KCNH5: variants seen among roughly 807,000 people sequenced by gnomAD.
KCNH5 encodes the protein potassium voltage-gated channel subfamily H member 5.
Under a neutral mutation model 96.1 loss-of-function variants are expected in KCNH5, and 46 were observed. The observed-to-expected ratio is 0.48, with a 90% CI of 0.38 to 0.61. The LOEUF (loss-of-function observed/expected upper bound fraction) is 0.61. Among genes scored for constraint, KCNH5 ranks in the 20% least tolerant of loss-of-function variants. KCNH5 has a pLI of 0.00. For missense variants in KCNH5, 907 were observed against 1,225.8 expected, an observed-to-expected ratio of 0.74 and a Z score of 3.88; for synonymous variants, 439 against 449.8, an observed-to-expected ratio of 0.98 and a Z score of 0.30.
chr14:63,034,735 T>C (rs1050277362), intron 1 of KCNH5, among the ~76,000 whole-genome samples: 13 of 152,248 alleles, frequency 8.5e-5, no homozygotes, highest in Non-Finnish European at 1.9e-4. Flanking sequence ...TTTGATGGCA[T>C]TAACTTCATT....
At chr14:62,862,802 T>G (rs1321317474) in intron 7 of KCNH5, among the ~76,000 whole-genome samples, 2 of 152,156 alleles carry the variant, frequency 1.3e-5, no homozygotes, top group Non-Finnish European at 1.5e-5. Context: ...ATCAGCTAAA[T>G]GTAGCTGCCT....
intron 10 of KCNH5, among the ~76,000 whole-genome samples, chr14:62,718,340 T>C (rs898455259): frequency 1.3e-4 from 19 of 151,902 alleles, no homozygotes; most frequent in African/African-American, 4.4e-4. Context: ...CCAGAATATA[T>C]AAAGAGCTAT....
intron 2 of KCNH5, among the ~76,000 whole-genome samples, chr14:63,015,747 T>C (rs1891315779): frequency 2.0e-5 from 3 of 151,882 alleles, no homozygotes; most frequent in African/African-American, 7.3e-5. Flanking sequence ...ATATAAAAAG[T>C]CAGCCCTCTG....
rs1884399120 is a variant in KCNH5 at position 62,704,745 on chromosome 14, TAG to T, written c.*2761_*2762del. ...ATGCACCAAGAGCATCTATACAGTG[TAG>T]GAATAAAACATGCAGTTATCTGGTC... is the stretch of plus-strand genomic sequence containing the variant. On this transcript the variant is annotated 3_prime_UTR_variant, in exon 11 of 11. Transcript: ENST00000322893. The T allele has an allele frequency of 6.6e-6, 1 of 151,952 alleles. No individual in the cohort carries two copies. Among genetic ancestry groups the T allele is most frequent in the Non-Finnish European group, 1.5e-5 (1 of 67,826 alleles). 9.4% of individuals were successfully genotyped at this position (151,952 alleles called of 1,614,324 possible). A position where few individuals can be genotyped will look rare whatever the true frequency, so the allele number is the denominator to read the frequency against.
At position 62,702,555 on chromosome 14, in the gene KCNH5, T is replaced by C. The variant is rs1884364420; in HGVS notation, c.*4953A>G. 6.6e-6 allele frequency: 1 copy of C among 152,012 alleles called. No homozygotes were observed. The highest frequency in any genetic ancestry group is 6.6e-5 in the Admixed American group (1 of 15,254). The allele number at this position is 152,012 out of a possible 1,614,324, so 9.4% of individuals were successfully genotyped here. On this transcript the variant is annotated 3_prime_UTR_variant, in exon 11 of 11. Coordinates refer to ENST00000322893, the MANE Select transcript of KCNH5 (RefSeq NM_139318.5). ...TTAACCTATACCTTCATGGGGTTGCTGCAAGAATTAAATTTGATAACCTAA... is the reference window on the plus strand; with the variant it reads ...TTAACCTATACCTTCATGGGGTTGCCGCAAGAATTAAATTTGATAACCTAA...
chr14:62,727,193 C>T (rs916404224), intron 10 of KCNH5, among the ~76,000 whole-genome samples: 11 of 151,882 alleles, frequency 7.2e-5, no homozygotes, highest in East Asian at 1.9e-4. Context: ...GGTAAAACCC[C>T]GTCTCTACTA....
chr14:62,984,950 C>A (rs934751348), intron 5 of KCNH5, among the ~76,000 whole-genome samples: 2 of 152,016 alleles, frequency 1.3e-5, no homozygotes, highest in African/African-American at 4.8e-5. Flanking sequence ...TGTTGTGTAA[C>A]AGACAAAAGA....
chr14:62,869,479 C>T (rs1002339371), intron 7 of KCNH5, among the ~76,000 whole-genome samples: 4 of 151,886 alleles, frequency 2.6e-5, no homozygotes, highest in African/African-American at 7.2e-5. Context: ...CCATTCAGTA[C>T]GTTGCTTGTT....
intron 2 of KCNH5, 59 bp from the exon 3 acceptor site, chr14:63,006,531 C>G: frequency 1.0e-6 from 1 of 953,120 alleles, no homozygotes; most frequent in East Asian, 2.4e-5. Flanking sequence ...TCAAATGCTA[C>G]AAAAATCATA....
chr14:62,910,654 T>C (rs938224989), intron 7 of KCNH5, among the ~76,000 whole-genome samples: 1 of 152,086 alleles, frequency 6.6e-6, no homozygotes, highest in Non-Finnish European at 1.5e-5. Context: ...CAAGGAATAT[T>C]CAAGATCTTT....
chr14:62,817,174 T>C (rs1416834116), intron 8 of KCNH5, among the ~76,000 whole-genome samples: 2 of 138,348 alleles, frequency 1.4e-5, no homozygotes, highest in Non-Finnish European at 3.1e-5. Flanking sequence ...ATATAATATA[T>C]AATATACTAT....
chr14:62,718,939 A>G (rs1394028148), intron 10 of KCNH5, among the ~76,000 whole-genome samples: 2 of 152,218 alleles, frequency 1.3e-5, no homozygotes, highest in Non-Finnish European at 1.5e-5. Flanking sequence ...ATGCTAAGTG[A>G]GAGGAACCTG....
chr14:62,887,507 A>G (rs1358797454), intron 7 of KCNH5, among the ~76,000 whole-genome samples: 1 of 152,170 alleles, frequency 6.6e-6, no homozygotes. Flanking sequence ...ATTTAACAAA[A>G]GAAGTGTCTA....
chr14:62,871,315 T>G (rs944310793), intron 7 of KCNH5, among the ~76,000 whole-genome samples: 15 of 152,304 alleles, frequency 9.8e-5, no homozygotes, highest in Non-Finnish European at 2.2e-4. Flanking sequence ...ACGAACTCAC[T>G]GGAGGGGCAC....
intron 3 of KCNH5, among the ~76,000 whole-genome samples, chr14:63,001,835 G>C (rs1045561175): frequency 6.6e-6 from 1 of 152,104 alleles, no homozygotes; most frequent in African/African-American, 2.4e-5. Flanking sequence ...TACCAATTGT[G>C]ATCACTCCTA....
Position 62,779,890 on chromosome 14 carries a change from C to T in KCNH5, c.1857G>A (p.Lys619=). 1 of 1,613,572 alleles carries T rather than the reference C, an allele frequency of 6.2e-7. No individual in the cohort carries two copies. The highest frequency in any genetic ancestry group is 8.5e-7 in the Non-Finnish European group (1 of 1,179,684). ...CACATGCATGGGCAAGGGTGGTTTCCTTCCAGAAGATGTCTCCAAATACAT... is the reference window on the plus strand; with the variant it reads ...CACATGCATGGGCAAGGGTGGTTTCTTTCCAGAAGATGTCTCCAAATACAT... ...KGDVFGDIFW[K]ETTLAHACAN... is the part of the protein sequence containing the mutation. The change falls in exon 10 of 11, where the codon AAG becomes AAA. Residue 619 remains lysine (K), a synonymous_variant. Coordinates refer to ENST00000322893, the MANE Select transcript of KCNH5 (RefSeq NM_139318.5).
chr14:62,822,606 C>T (rs1339677362), intron 8 of KCNH5, among the ~76,000 whole-genome samples: 1 of 151,880 alleles, frequency 6.6e-6, no homozygotes, highest in Non-Finnish European at 1.5e-5. Flanking sequence ...CTCAACCTAA[C>T]CCTCAAACCT....
intron 7 of KCNH5, among the ~76,000 whole-genome samples, chr14:62,886,121 GACACACACAC>G (rs58900799): frequency 0.46 from 68,109 of 147,802 alleles, 15,784 homozygotes; most frequent in South Asian, 0.67. Context: ...ACCTGCAGAG[GACACACACAC>G]ACACACACAC....
intron 3 of KCNH5, among the ~76,000 whole-genome samples, chr14:63,003,624 A>ATATATATATTTTTT (rs1491457497): frequency 2.2e-5 from 2 of 92,824 alleles, no homozygotes; most frequent in African/African-American, 9.4e-5. Context: ...ATATATATAT[A>ATATATATATTTTTT]TTTTTTTTTT....
Sources: gnomAD v4.1 joint callset for allele counts (sites outside exome capture counted in the v4.1 genomes callset) on GRCh38, gnomAD v4.1.1 for gene constraint, MANE v1.5 for transcripts, NCBI Gene and HGNC (gene_info 2026-07-23, HGNC 2026-07-21) for gene names.